CCDC30: variants seen among roughly 807,000 people sequenced by gnomAD.
CCDC30 encodes coiled-coil domain containing 30.
A neutral mutation model predicts 100.2 loss-of-function variants in CCDC30; 70 were observed. The ratio of observed to expected loss-of-function variants is 0.70; its 90% confidence interval spans 0.58 to 0.85. The LOEUF (loss-of-function observed/expected upper bound fraction) is 0.85. Ranked by LOEUF, CCDC30 falls within the 40% of genes least tolerant of loss-of-function variation. The probability of loss-of-function intolerance (pLI) is 0.00; values close to 1 mark genes in which losing one functional copy is unlikely to be tolerated. For synonymous variants in CCDC30, 233 were observed against 269.5 expected, an observed-to-expected ratio of 0.86 and a Z score of 1.33; for missense variants, 652 against 771.2, an observed-to-expected ratio of 0.85 and a Z score of 1.83.
chr1:42,620,405 C>G (rs560891119), intron 11 of CCDC30, among the ~76,000 whole-genome samples: 1 of 152,106 alleles, frequency 6.6e-6, no homozygotes, highest in Non-Finnish European at 1.5e-5. Context: ...AAAAAACAAG[C>G]TTTTATAAAA....
chr1:42,579,560 G>A (rs1459770556), intron 8 of CCDC30, among the ~76,000 whole-genome samples: 2 of 151,938 alleles, frequency 1.3e-5, no homozygotes, highest in Non-Finnish European at 2.9e-5. Flanking sequence ...TTTGAACCCG[G>A]GAGGTGGAGG....
At chr1:42,475,113 C>A (rs1339558993) in intron 1 of CCDC30, among the ~76,000 whole-genome samples, 1 of 152,012 alleles carries the variant, frequency 6.6e-6, no homozygotes, top group Non-Finnish European at 1.5e-5. Context: ...GAGATTGGGA[C>A]TGTCCCAGAA....
chr1:42,488,036 A>G (rs1644078888), intron 3 of CCDC30, among the ~76,000 whole-genome samples: 1 of 152,196 alleles, frequency 6.6e-6, no homozygotes, highest in Non-Finnish European at 1.5e-5. Flanking sequence ...TATAAGTGAA[A>G]CAAGATTGAC....
chr1:42,459,933 A>G (rs1304581111), upstream of CCDC30: 1 of 1,594,010 alleles, frequency 6.3e-7, no homozygotes, highest in South Asian at 1.1e-5. Flanking sequence ...CTGAAGTAAA[A>G]AGCCCTTATA....
chr1:42,533,597 G>A (rs1644842930), intron 6 of CCDC30, among the ~76,000 whole-genome samples: 1 of 152,072 alleles, frequency 6.6e-6, no homozygotes, highest in African/African-American at 2.4e-5. Context: ...TTTATATAGG[G>A]GACTTATTAT....
intron 7 of CCDC30, among the ~76,000 whole-genome samples, chr1:42,571,707 C>T (rs1226290167): frequency 1.3e-5 from 2 of 152,208 alleles, no homozygotes; most frequent in African/African-American, 2.4e-5. Context: ...TTTACTTCTA[C>T]ATACACTCAT....
chr1:42,635,260 G>A (rs183747194), intron 11 of CCDC30, among the ~76,000 whole-genome samples: 95 of 152,038 alleles, frequency 6.2e-4, no homozygotes, highest in Non-Finnish European at 1.2e-3. Flanking sequence ...TGGCCAGGCT[G>A]GTCTTGAACT....
intron 11 of CCDC30, among the ~76,000 whole-genome samples, chr1:42,614,309 T>C (rs143721985): frequency 0.016 from 2,452 of 151,850 alleles, 66 homozygotes; most frequent in African/African-American, 0.056. Flanking sequence ...CTCGATCTCC[T>C]GACCTCGTGA....
chr1:42,511,371 C>A (rs1644474875), intron 6 of CCDC30, among the ~76,000 whole-genome samples: 1 of 152,052 alleles, frequency 6.6e-6, no homozygotes, highest in African/African-American at 2.4e-5. Context: ...TGGACAAGGC[C>A]CCTTTAATGG....
chr1:42,546,398 AAATATATATATATAT>A (rs1228616469), intron 6 of CCDC30, among the ~76,000 whole-genome samples: 3 of 22,772 alleles, frequency 1.3e-4, no homozygotes, highest in African/African-American at 1.4e-4. Context: ...AAAAAAAAAA[AAATATATATATATAT>A]ATATATATAT....
intron 10 of CCDC30, 90 bp from the exon 15 acceptor site, chr1:42,610,884 CTTTT>C (rs34595968): frequency 3.5e-3 from 1,708 of 484,632 alleles, no homozygotes; most frequent in South Asian, 6.1e-3. Context: ...TGACTATAAG[CTTTT>C]TTTTTTTTTT....
rs556421671 is a variant in CCDC30, at chr1:42,509,758, A to T, written c.456+10842A>T. Among the ~76,000 whole-genome samples, 4 of 152,268 alleles carry T rather than the reference A, an allele frequency of 2.6e-5. No individual in the cohort carries two copies. In the South Asian group the frequency reaches 8.3e-4, roughly 32 times the overall value. ...CACACTAGACTGGCTGCAACTTAAG[A>T]CCAACCTCACAAATCCTCTTTCATT... On this transcript the variant is annotated intron_variant, in intron 6 of 16. Coordinates refer to ENST00000668663, the Ensembl canonical transcript of CCDC30.
chr1:42,533,600 C>T (rs949889032), intron 6 of CCDC30, among the ~76,000 whole-genome samples: 1 of 152,194 alleles, frequency 6.6e-6, no homozygotes, highest in African/African-American at 2.4e-5. Context: ...ATATAGGGGA[C>T]TTATTATAAC....
chr1:42,591,417 A>T (rs979498541), intron 10 of CCDC30: 1 of 152,406 alleles, frequency 6.6e-6, no homozygotes, highest in South Asian at 2.1e-4. Flanking sequence ...GGCTCAAAGG[A>T]CCCCAGATAC....
intron 9 of CCDC30, among the ~76,000 whole-genome samples, chr1:42,588,478 G>A (rs1299735740): frequency 6.6e-6 from 1 of 152,190 alleles, no homozygotes; most frequent in Non-Finnish European, 1.5e-5. Flanking sequence ...CCAGGGGAGA[G>A]GGAGATGAGG....
chr1:42,567,713 AT>A (rs58190267), intron 7 of CCDC30, among the ~76,000 whole-genome samples: 30,443 of 152,070 alleles, frequency 0.2, 3,358 homozygotes, highest in South Asian at 0.42. Flanking sequence ...CTTCAAGGAC[AT>A]TTCTTAGATC....
intron 2 of CCDC30, among the ~76,000 whole-genome samples, chr1:42,481,493 C>T (rs1643956512): frequency 6.7e-6 from 1 of 148,962 alleles, no homozygotes; most frequent in Non-Finnish European, 1.5e-5. Context: ...AGGAGAATCA[C>T]TTGAATCTGG....
chr1:42,547,542 A>G (rs1283416675), intron 6 of CCDC30, among the ~76,000 whole-genome samples: 1 of 152,154 alleles, frequency 6.6e-6, no homozygotes, highest in Non-Finnish European at 1.5e-5. Context: ...GCTTTAATTC[A>G]TCTAGGGGTG....
chr1:42,490,512 T>C (rs990918748), intron 4 of CCDC30, among the ~76,000 whole-genome samples: 5 of 151,410 alleles, frequency 3.3e-5, no homozygotes, highest in African/African-American at 1.2e-4. Context: ...TAATAAGTAC[T>C]ACTACTATTA....
Sources: allele counts gnomAD v4.1 joint callset (sites outside exome capture counted in the v4.1 genomes callset), GRCh38; gene constraint gnomAD v4.1.1; transcripts MANE v1.5; gene names NCBI Gene and HGNC (gene_info 2026-07-23, HGNC 2026-07-21).